The following GCSH variants were observed in gnomAD, a reference collection of about 807,000 sequenced individuals.
The protein encoded by GCSH is glycine cleavage system protein H.
Under a neutral mutation model 21.3 loss-of-function variants are expected in GCSH, and 15 were observed. The ratio of observed to expected loss-of-function variants is 0.70; its 90% confidence interval spans 0.47 to 1.08. The LOEUF (loss-of-function observed/expected upper bound fraction) is 1.08, where lower values mean the gene tolerates loss of function less well. GCSH is among the 50% of genes least tolerant of loss of function. The probability of loss-of-function intolerance (pLI) is 0.00; values close to 1 mark genes in which losing one functional copy is unlikely to be tolerated. For synonymous variants in GCSH, 59 were observed against 84.5 expected (o/e 0.70, Z 1.66); for missense variants, 179 against 217.5 (o/e 0.82, Z 1.11).
At position 81,082,945 on chromosome 16, in the gene GCSH, G is replaced by A. The variant is rs754640234; in HGVS notation, c.443C>T (p.Thr148Ile). The part of the protein sequence containing the change: ...CYEDGWLIKM[T>I]LSNPSELDEL... ...ATCTAGTTCTGAAGGGTTACTCAGT[G>A]TCATCTTGATCAGCCAACCTGCAAC... The change falls in exon 5 of 5, where the codon ACA (threonine) becomes ATA (isoleucine). Residue 148 changes from threonine (T) to isoleucine (I), a missense_variant. By Grantham distance (89) the Thr-to-Ile change is moderately conservative (BLOSUM62 -1). Coordinates refer to ENST00000315467, the MANE Select transcript of GCSH (RefSeq NM_004483.5). 1.3e-6 allele frequency: 2 copies of A among 1,574,762 alleles called. No homozygotes were observed. The highest frequency in any genetic ancestry group is 1.4e-5 in the African/African-American group (1 of 74,054).
rs1972511589 is a variant in GCSH, at chr16:81,096,332, G to A, written c.-54C>T. ...TACGCCTCGGCCACCCGCGCCGGGA[G>A]GCGGGGCGGGGAGGGGCAGTTCGCG... On this transcript the variant is annotated 5_prime_UTR_variant, in exon 1 of 5. Transcript: ENST00000315467. 3 of 1,329,960 alleles carry A rather than the reference G, an allele frequency of 2.3e-6. No individual in the cohort carries two copies. The highest frequency in any genetic ancestry group is 6.4e-5 in the East Asian group (2 of 31,412). 82.4% of individuals were successfully genotyped at this position (1,329,960 alleles called of 1,614,324 possible).
chr16:81,085,143 T>C (rs1972247820), intron 3 of GCSH, among the ~76,000 whole-genome samples: 1 of 151,012 alleles, frequency 6.6e-6, no homozygotes, highest in Non-Finnish European at 1.5e-5. Context: ...GCCTCCCAAG[T>C]AGCTAGGATT....
chr16:81,096,286 G>C lies in GCSH; in HGVS notation c.-8C>G. 1 of 1,366,328 alleles carries C rather than the reference G, an allele frequency of 7.3e-7. No homozygotes were observed. Among genetic ancestry groups the C allele is most frequent in the Non-Finnish European group, 9.4e-7 (1 of 1,065,718 alleles). 84.6% of individuals were successfully genotyped at this position (1,366,328 alleles called of 1,614,324 possible). On this transcript the variant is annotated 5_prime_UTR_variant, in exon 1 of 5. Coordinates refer to ENST00000315467, the MANE Select transcript of GCSH (RefSeq NM_004483.5). ...CACCACTCGCAGCGCCATGTTCGCA[G>C]GGGTGCGGGGGTCGCAGCGCTACGC...
At chr16:81,087,729 A>AATCCCCT (rs1193053159) in intron 2 of GCSH, 65 bp from the exon 3 acceptor site, 5 of 1,085,710 alleles carry the variant, frequency 4.6e-6, no homozygotes, top group Non-Finnish European at 7.1e-6. Flanking sequence ...CAGTAAACAG[A>AATCCCCT]ATAAGCCAAA....
At chr16:81,089,054 G>A (rs1265997566) in intron 2 of GCSH, among the ~76,000 whole-genome samples, 1 of 152,210 alleles carries the variant, frequency 6.6e-6, no homozygotes, top group South Asian at 2.1e-4. Context: ...GAGATGCCAA[G>A]GAAGATATAA....
chr16:81,094,526 G>C (rs1046353034), intron 1 of GCSH, among the ~76,000 whole-genome samples: 2 of 151,636 alleles, frequency 1.3e-5, no homozygotes, highest in African/African-American at 4.8e-5. Context: ...AAAAAAAAAG[G>C]AACGAAAACC....
chr16:81,089,505 G>C (rs1972353772), intron 2 of GCSH, among the ~76,000 whole-genome samples: 2 of 152,142 alleles, frequency 1.3e-5, no homozygotes, highest in Admixed American at 1.3e-4. Flanking sequence ...TGTAGCCCAG[G>C]AGCAAAGGCT....
chr16:81,090,645 T>C lies in GCSH; in HGVS notation c.184A>G (p.Thr62Ala). 5.6e-6 allele frequency: 9 copies of C among 1,613,136 alleles called. No homozygotes were observed. In the South Asian group the frequency reaches 8.8e-5, roughly 16 times the overall value. Reference sequence around the variant, plus strand: ...CCCACTGTTCCAATGCCATTTTCTGTTGTTACCCATTCGTGTTTCTCTGTG... The same window carrying C: ...CCCACTGTTCCAATGCCATTTTCTGCTGTTACCCATTCGTGTTTCTCTGTG... The part of the protein sequence containing the change: ...KFTEKHEWVT[T>A]ENGIGTVGIS... The change falls in exon 2 of 5, where the codon ACA becomes GCA. Residue 62 changes from threonine (T) to alanine (A), a missense_variant. Transcript: ENST00000315467.
At chr16:81,086,688 G>A (rs74569561) in intron 3 of GCSH, among the ~76,000 whole-genome samples, 3 of 128,306 alleles carry the variant, frequency 2.3e-5, no homozygotes, top group Non-Finnish European at 1.8e-5. Context: ...AAGGAATGAA[G>A]TGGGAAGAGA....
chr16:81,091,172 C>T (rs1289475165), intron 1 of GCSH: 1 of 434,494 alleles, frequency 2.3e-6, no homozygotes, highest in Non-Finnish European at 4.5e-6. Context: ...AAGAGAGCTT[C>T]AGTGCAGCTT....
rs1183673643 is a variant in GCSH, at chr16:81,093,715, C to T, written c.148+2416G>A. Among the ~76,000 whole-genome samples the T allele has an allele frequency of 2.6e-5, 4 of 152,022 alleles. No homozygotes were observed. The East Asian group carries it at 7.8e-4, about 30-fold the overall frequency. The stretch of plus-strand genomic sequence containing the variant: ...AATTGGCCGGGTATGGTGGCGGGCA[C>T]CTATAATCCCAGCTACCCTGGAGGC... On this transcript the variant is annotated intron_variant, in intron 1 of 4. Coordinates refer to ENST00000315467, the MANE Select transcript of GCSH (RefSeq NM_004483.5).
chr16:81,085,303 G>A (rs780440399), intron 3 of GCSH, among the ~76,000 whole-genome samples: 33 of 152,220 alleles, frequency 2.2e-4, no homozygotes, highest in Admixed American at 1.5e-3. Flanking sequence ...GTGAGCCACC[G>A]TGCCTGGCCT....
chr16:81,087,926 G>C (rs1972317020), intron 2 of GCSH, among the ~76,000 whole-genome samples: 1 of 152,042 alleles, frequency 6.6e-6, no homozygotes, highest in South Asian at 2.1e-4. Context: ...AGAAGTTCGA[G>C]ACCAGCCTGG....
intron 1 of GCSH, among the ~76,000 whole-genome samples, chr16:81,091,713 TA>T (rs1972400854): frequency 6.6e-6 from 1 of 152,174 alleles, no homozygotes; most frequent in Middle Eastern, 3.2e-3. Flanking sequence ...TAGTAGTACT[TA>T]AAACAGCATT....
intron 1 of GCSH, among the ~76,000 whole-genome samples, chr16:81,094,854 T>C (rs866684380): frequency 6.6e-6 from 1 of 152,154 alleles, no homozygotes; most frequent in African/African-American, 2.4e-5. Context: ...CTCAGCACTT[T>C]GGGAGGCTGA....
At chr16:81,096,052 G>T in intron 1 of GCSH, 79 bp downstream of exon 1, 1 of 1,153,346 alleles carries the variant, frequency 8.7e-7, no homozygotes, top group Non-Finnish European at 1.1e-6. Flanking sequence ...GTGCCCCGGC[G>T]TCCTCCGTGT....
intron 1 of GCSH, among the ~76,000 whole-genome samples, chr16:81,093,065 G>C (rs1196433412): frequency 6.6e-6 from 1 of 150,714 alleles, no homozygotes; most frequent in Non-Finnish European, 1.5e-5. Flanking sequence ...CTGGGAGGCG[G>C]AGATTCCAGT....
At chr16:81,085,425 A>G (rs75832350) in intron 3 of GCSH, among the ~76,000 whole-genome samples, 16,918 of 152,242 alleles carry the variant, frequency 0.11, 997 homozygotes, top group East Asian at 0.21. Flanking sequence ...TGGACACAGT[A>G]AATAACAAAT....
rs376434204 is a variant in GCSH, at chr16:81,088,542, G to A, written c.229-878C>T. Among the ~76,000 whole-genome samples, 6 of 152,218 alleles carry A rather than the reference G, an allele frequency of 3.9e-5. No homozygotes were observed. The East Asian group carries it at 9.7e-4, about 25-fold the overall frequency. On this transcript the variant is annotated intron_variant, in intron 2 of 4. Transcript: ENST00000315467. ...GCCTCCCAAGTAGCTGGGATTACAG[G>A]TGCCCACCACCATGCCTGGTTAATT... is the stretch of plus-strand genomic sequence containing the variant.
Sources: gnomAD v4.1 joint callset for allele counts (sites outside exome capture counted in the v4.1 genomes callset) on GRCh38, gnomAD v4.1.1 for gene constraint, MANE v1.5 for transcripts, NCBI Gene and HGNC (gene_info 2026-07-23, HGNC 2026-07-21) for gene names.